Variants in VAV2 observed in about 807,000 individuals in gnomAD.
VAV2 encodes vav guanine nucleotide exchange factor 2.
VAV2 carries 67 observed loss-of-function variants against 132.5 expected under a neutral mutation model. The ratio of observed to expected loss-of-function variants is 0.51; its 90% CI spans 0.42 to 0.62. VAV2 has a LOEUF of 0.62. Among genes scored for constraint, VAV2 ranks in the 20% least tolerant of loss-of-function variants. The pLI is 0.00. For synonymous variants in VAV2, 492 were observed against 443.5 expected (o/e 1.11, Z -1.37); for missense variants, 938 against 1,153.6 (o/e 0.81, Z 2.71).
At chr9:133,951,880 G>C (rs540651464) in intron 1 of VAV2, among the ~76,000 whole-genome samples, 1 of 152,114 alleles carries the variant, frequency 6.6e-6, no homozygotes, top group Admixed American at 6.5e-5. Flanking sequence ...CCCACAGCCC[G>C]GGAAGCTTGT....
chr9:133,919,396 C>T lies in VAV2; in HGVS notation c.321+19707G>A, dbSNP rs1564465909. On this transcript the variant is annotated intron_variant, in intron 2 of 29. Transcript: ENST00000371850. This position sits in a 1 kb window ranked among gnomAD's most constrained non-coding sequence, Gnocchi z 5.8. The stretch of plus-strand genomic sequence containing the variant: ...GAAACCAGATCCTGGGAGCTGCAGA[C>T]CATAATCTCTGCTTCACTGGGTGGG... Among the ~76,000 whole-genome samples, 1 of 152,206 alleles carries T rather than the reference C, an allele frequency of 6.6e-6. No individual in the cohort carries two copies. The highest frequency in any genetic ancestry group is 1.5e-5 in the Non-Finnish European group (1 of 68,044).
intron 1 of VAV2, among the ~76,000 whole-genome samples, chr9:133,953,170 C>T (rs1005213068): frequency 6.6e-6 from 1 of 152,218 alleles, no homozygotes; most frequent in African/African-American, 2.4e-5. Flanking sequence ...AGAGGGAGCA[C>T]AGCCCTGCTG....
At chr9:133,893,739 G>A (rs953509332) in intron 2 of VAV2, among the ~76,000 whole-genome samples, 2 of 152,308 alleles carry the variant, frequency 1.3e-5, no homozygotes, top group Non-Finnish European at 2.9e-5. Flanking sequence ...GTGGCGGGAC[G>A]GTGATTCCAC....
chr9:133,843,916 C>T (rs960913923), intron 3 of VAV2, among the ~76,000 whole-genome samples: 25 of 151,170 alleles, frequency 1.7e-4, no homozygotes, highest in Non-Finnish European at 2.9e-5. Flanking sequence ...GCCATAGCCC[C>T]GGCAGTGACC....
intron 1 of VAV2, among the ~76,000 whole-genome samples, chr9:133,940,016 G>A (rs1473076814): frequency 1.3e-5 from 2 of 152,226 alleles, no homozygotes; most frequent in East Asian, 1.9e-4. Flanking sequence ...CCCAGTCCTC[G>A]TGGAGAAACA....
At chr9:133,777,127 G>GA (rs1833843778) in intron 23 of VAV2, among the ~76,000 whole-genome samples, 1 of 152,114 alleles carries the variant, frequency 6.6e-6, no homozygotes, top group South Asian at 2.1e-4. Flanking sequence ...AGCTGCTGCA[G>GA]AAATGCCTGT....
intron 4 of VAV2, among the ~76,000 whole-genome samples, chr9:133,818,092 C>T (rs569574698): frequency 3.0e-4 from 45 of 152,020 alleles, no homozygotes; most frequent in Middle Eastern, 3.4e-3. Context: ...CGGCCGGGCG[C>T]GGCGGCTCAC....
At chr9:133,877,796 G>A (rs1392799599) in intron 2 of VAV2, among the ~76,000 whole-genome samples, 1 of 152,160 alleles carries the variant, frequency 6.6e-6, no homozygotes, top group East Asian at 1.9e-4. Context: ...CCATTTTAAT[G>A]GGAAGGGGAC....
chr9:133,960,536 G>A (rs1012734704), intron 1 of VAV2, among the ~76,000 whole-genome samples: 6 of 152,192 alleles, frequency 3.9e-5, no homozygotes, highest in African/African-American at 9.7e-5. Context: ...TCATGTCTCC[G>A]CTTAATAGCG....
At chr9:133,782,775 TCA>T (rs1285961987) in intron 19 of VAV2, among the ~76,000 whole-genome samples, 16 of 152,294 alleles carry the variant, frequency 1.1e-4, no homozygotes, top group African/African-American at 3.4e-4. Context: ...GTTTCAAGCC[TCA>T]GTTTCTGGGG....
Position 133,888,770 on chromosome 9 carries a change from C to A in VAV2, c.322-27338G>T, listed in dbSNP as rs926757569. Among the ~76,000 whole-genome samples, 3 of 152,192 alleles carry A rather than the reference C, an allele frequency of 2.0e-5. 1 individual carries two copies. Among genetic ancestry groups the A allele is most frequent in the Non-Finnish European group, 4.4e-5 (3 of 68,036 alleles). ...TCTGTTCCAAAGGGCGTCATCCCAG[C>A]GGCTGGCTGCAAGATACTTAACATT... is the stretch of plus-strand genomic sequence containing the variant. On this transcript the variant is annotated intron_variant, in intron 2 of 29. Transcript: ENST00000371850.
chr9:133,821,807 C>T (rs1280370226), intron 4 of VAV2, among the ~76,000 whole-genome samples: 3 of 152,168 alleles, frequency 2.0e-5, no homozygotes, highest in South Asian at 2.1e-4. Flanking sequence ...GAAGCCCAGA[C>T]GTGAATGGGC....
chr9:133,870,730 T>A (rs1292527034), intron 2 of VAV2, among the ~76,000 whole-genome samples: 6 of 149,844 alleles, frequency 4.0e-5, no homozygotes, highest in Admixed American at 3.3e-4. Flanking sequence ...GACGGATGGA[T>A]CAGCAGATGA....
At chr9:133,947,778 C>T (rs72764828) in intron 1 of VAV2, among the ~76,000 whole-genome samples, 61 of 152,096 alleles carry the variant, frequency 4.0e-4, no homozygotes, top group Non-Finnish European at 8.5e-4. Context: ...ACCAGGGCCC[C>T]CGCGCTATGG....
intron 3 of VAV2, among the ~76,000 whole-genome samples, chr9:133,838,039 G>C (rs1298540639): frequency 1.3e-5 from 2 of 152,156 alleles, no homozygotes; most frequent in African/African-American, 4.8e-5. Context: ...GCCTGTCAGG[G>C]ACCGTGCACG....
rs1468809405 is a variant in VAV2 at position 133,770,462 on chromosome 9, T to C, written c.2263A>G (p.Ser755Gly). ...EYYQCHSLKE[S>G]FKQLDTTLKY... ...AGTGTGGTGTCCAGCTGCTTGAAGC[T>C]CTCCTTCAGTGAGTGGCACTGGTAG... The change falls in exon 27 of 30, where the codon AGC becomes GGC. Residue 755 changes from serine to glycine, a missense_variant. By Grantham distance (56) the Ser-to-Gly change is moderately conservative. Transcript: ENST00000371850. The C allele has an allele frequency of 2.5e-6, 4 of 1,613,988 alleles. No individual in the cohort carries two copies. The highest frequency in any genetic ancestry group is 3.4e-6 in the Non-Finnish European group (4 of 1,179,938).
chr9:133,990,820 C>G lies in VAV2; in HGVS notation c.204+1255G>C, dbSNP rs148018942. Among the ~76,000 whole-genome samples the G allele has an allele frequency of 3.6e-3, 550 of 152,296 alleles. 5 individuals are homozygous for G. Among genetic ancestry groups the G allele is most frequent in the African/African-American group, 0.013 (532 of 41,562 alleles). ...ACCACTGACATCCTGCGGGAAGAGGCGCTGGCTCCCAGGGAGGCCTCTGAG... is the reference window on the plus strand; with the variant it reads ...ACCACTGACATCCTGCGGGAAGAGGGGCTGGCTCCCAGGGAGGCCTCTGAG... On this transcript the variant is annotated intron_variant, in intron 1 of 29. Transcript: ENST00000371850.
At chr9:133,975,857 T>A (rs1233612401) in intron 1 of VAV2, among the ~76,000 whole-genome samples, 1 of 152,090 alleles carries the variant, frequency 6.6e-6, no homozygotes, top group Non-Finnish European at 1.5e-5. Flanking sequence ...GGCAGACGGG[T>A]CTCCTCCAAC....
intron 29 of VAV2, among the ~76,000 whole-genome samples, chr9:133,765,436 T>C (rs1833400147): frequency 6.6e-6 from 1 of 152,258 alleles, no homozygotes; most frequent in African/African-American, 2.4e-5. Flanking sequence ...CCCATTGTGG[T>C]GTTCCCAATG....
Sources: allele counts gnomAD v4.1 joint callset (sites outside exome capture counted in the v4.1 genomes callset), GRCh38; gene constraint gnomAD v4.1.1; non-coding constraint Gnocchi (gnomAD v3.1); transcripts MANE v1.5; gene names NCBI Gene and HGNC (gene_info 2026-07-23, HGNC 2026-07-21).